Variants in UNC93A observed in about 807,000 individuals in gnomAD.
UNC93A encodes the protein N-acetylglucosamine transporter UNC93A.
Under a neutral mutation model 47.5 loss-of-function variants are expected in UNC93A, and 43 were observed. The ratio of observed to expected loss-of-function variants is 0.91; its 90% confidence interval spans 0.71 to 1.17. The LOEUF (loss-of-function observed/expected upper bound fraction) is 1.17. UNC93A is among the 50% of genes most tolerant of loss of function. UNC93A has a pLI of 0.00. For missense variants in UNC93A, 605 were observed against 577.6 expected (o/e 1.05, Z -0.49); for synonymous variants, 280 against 258.0 (o/e 1.09, Z -0.82).
At chr6:167,273,911 C>A (rs6907546) in intron 1 of UNC93A, among the ~76,000 whole-genome samples, 22,787 of 151,996 alleles carry the variant, frequency 0.15, 2,028 homozygotes, top group South Asian at 0.28. Context: ...CTCCAGGTAG[C>A]AGGCTTAGAG....
Position 167,296,145 on chromosome 6 carries a change from A to G in UNC93A, c.383A>G (p.Lys128Arg), listed in dbSNP as rs1778082067. ...AACACACATGCAGAGAAGGCGGGAA[A>G]GCGTGGCAAAGACATGGTGAACCAG... ...TGNTHAEKAG[K>R]RGKDMVNQYF... Residue 128 changes from lysine (K) to arginine (R), a missense_variant, in exon 3 of 8, where the codon AAG becomes AGG. By Grantham distance (26) the Lys-to-Arg change is conservative (BLOSUM62 2). Coordinates refer to ENST00000230256, the MANE Select transcript of UNC93A (RefSeq NM_018974.4). 1 of 1,614,240 alleles carries G rather than the reference A, an allele frequency of 6.2e-7. No individual in the cohort carries two copies. Among genetic ancestry groups the G allele is most frequent in the South Asian group, 1.1e-5 (1 of 91,086 alleles).
intron 1 of UNC93A, among the ~76,000 whole-genome samples, chr6:167,277,601 C>A (rs1452707959): frequency 2.0e-5 from 3 of 151,760 alleles, no homozygotes; most frequent in Non-Finnish European, 4.4e-5. Flanking sequence ...CCACCGTTCT[C>A]TGGCTATCTC....
intron 1 of UNC93A, among the ~76,000 whole-genome samples, chr6:167,285,899 C>T (rs73790185): frequency 0.019 from 2,907 of 150,868 alleles, 122 homozygotes; most frequent in African/African-American, 0.067. Context: ...TACCCCTTTC[C>T]TCCCACCAAT....
At chr6:167,305,820 T>A in intron 5 of UNC93A, 95 bp from the exon 6 acceptor site, 1 of 1,567,304 alleles carries the variant, frequency 6.4e-7, no homozygotes, top group Non-Finnish European at 8.7e-7. Context: ...GCTGGCCATC[T>A]CAGAGCAGAT....
chr6:167,299,105 G>C (rs1170414162), intron 4 of UNC93A, among the ~76,000 whole-genome samples: 2 of 127,998 alleles, frequency 1.6e-5, no homozygotes, highest in Admixed American at 8.2e-5. Context: ...GCAACAGAGC[G>C]AGACTCCATC....
chr6:167,305,105 A>C (rs868151025), intron 5 of UNC93A, among the ~76,000 whole-genome samples: 1 of 64,366 alleles, frequency 1.6e-5, no homozygotes, highest in East Asian at 4.8e-4. Flanking sequence ...TCTCTGCTCC[A>C]GATCCCTCCC....
At position 167,305,818 on chromosome 6, in the gene UNC93A, T is replaced by C. The variant is rs1778369308; in HGVS notation, c.841-97T>C. On this transcript the variant is annotated intron_variant, in intron 5 of 7. Transcript: ENST00000230256. ...GTAGGCAACACTGGCCTGCTGGCCA[T>C]CTCAGAGCAGATGTTCTAAGCACCC... The C allele has an allele frequency of 4.5e-6, 7 of 1,562,420 alleles. No homozygotes were observed. In the South Asian group the frequency reaches 6.9e-5, roughly 15 times the overall value.
chr6:167,294,531 C>A lies in UNC93A; in HGVS notation c.102C>A (p.Ser34Arg), dbSNP rs370938450. Residue 34 changes from serine to arginine, a missense_variant, in exon 2 of 8, where the codon AGC becomes AGA. Ser to Arg is a moderately radical substitution (Grantham distance 110). Transcript: ENST00000230256. ...TGTTCCCACAGAGCAGCCTGTACAGCGAGGAGGGCCTGGGTGTCACAGCGC... is the reference window on the plus strand; with the variant it reads ...TGTTCCCACAGAGCAGCCTGTACAGAGAGGAGGGCCTGGGTGTCACAGCGC... ...GLQSLQSSLY[S>R]EEGLGVTALS... 1.2e-6 allele frequency: 2 copies of A among 1,614,048 alleles called. No homozygotes were observed. The highest frequency in any genetic ancestry group is 2.2e-5 in the East Asian group (1 of 44,878).
chr6:167,285,404 C>T (rs947840139), intron 1 of UNC93A, among the ~76,000 whole-genome samples: 2 of 151,842 alleles, frequency 1.3e-5, no homozygotes, highest in Admixed American at 6.6e-5. Flanking sequence ...TCATCATAAA[C>T]AGGTCAGGAC....
intron 5 of UNC93A, among the ~76,000 whole-genome samples, chr6:167,305,446 G>T (rs1282072991): frequency 2.0e-5 from 3 of 152,202 alleles, no homozygotes; most frequent in Non-Finnish European, 4.4e-5. Flanking sequence ...GGTCGCCCGT[G>T]ATGGGAGTGT....
At chr6:167,270,500 A>G (rs1783434342), upstream of UNC93A, among the ~76,000 whole-genome samples, 1 of 151,906 alleles carries the variant, frequency 6.6e-6, no homozygotes. Flanking sequence ...GGGAAAGGGG[A>G]GCCTTCCGGT....
At chr6:167,306,720 G>A (rs1399469277) in intron 6 of UNC93A, among the ~76,000 whole-genome samples, 2 of 152,164 alleles carry the variant, frequency 1.3e-5, no homozygotes, top group Non-Finnish European at 2.9e-5. Context: ...CCGTCTTCAC[G>A]GCGCCCTGTG....
At chr6:167,272,722 TGA>T (rs1219429467) in intron 1 of UNC93A, among the ~76,000 whole-genome samples, 1 of 152,194 alleles carries the variant, frequency 6.6e-6, no homozygotes, top group Admixed American at 6.5e-5. Flanking sequence ...GACAATCAGT[TGA>T]GTTTATCTAA....
intron 1 of UNC93A, among the ~76,000 whole-genome samples, chr6:167,280,922 A>G (rs535648920): frequency 2.0e-5 from 3 of 152,328 alleles, no homozygotes; most frequent in African/African-American, 7.2e-5. Flanking sequence ...ATTTATCTCT[A>G]TCACAGCATT....
chr6:167,297,600 T>C (rs2076011), intron 3 of UNC93A, among the ~76,000 whole-genome samples: 33,337 of 152,102 alleles, frequency 0.22, 3,871 homozygotes, highest in African/African-American at 0.29. Context: ...CAATCTCATG[T>C]ACTTTTTTCT....
chr6:167,291,985 C>A (rs1002353208), intron 1 of UNC93A, among the ~76,000 whole-genome samples: 4 of 152,186 alleles, frequency 2.6e-5, no homozygotes, highest in Non-Finnish European at 5.9e-5. Flanking sequence ...CTTATACATT[C>A]CAAGCCTACT....
In UNC93A at chr6:167,294,689, T is replaced by G. The variant is rs201338150; in HGVS notation, c.260T>G (p.Phe87Cys). The change falls in exon 2 of 8, where the codon TTC becomes TGC. Residue 87 changes from phenylalanine (F) to cysteine (C), a missense_variant. Coordinates refer to ENST00000230256, the MANE Select transcript of UNC93A (RefSeq NM_018974.4). ...GTGGCCTTCTCCGTGGGCAACTTCT[T>G]CGCCAGCTGGTACGCAGCCACCACC... ...GYVAFSVGNF[F>C]ASWYTLIPTS... 3.6e-5 allele frequency: 57 copies of G among 1,594,480 alleles called. No individual in the cohort carries two copies. The East Asian group carries it at 1.3e-3, about 35-fold the overall frequency.
At chr6:167,313,490 C>T (rs2294234) in intron 7 of UNC93A, among the ~76,000 whole-genome samples, 30,297 of 151,624 alleles carry the variant, frequency 0.2, 3,124 homozygotes, top group South Asian at 0.32. Flanking sequence ...CAGAACTTGA[C>T]GAAGGGAGAT....
At chr6:167,307,456 C>CAGTTCCAGAGGATGGTTGAGAT (rs11270007) in intron 6 of UNC93A, among the ~76,000 whole-genome samples, 99,244 of 150,184 alleles carry the variant, frequency 0.66, 33,868 homozygotes, top group African/African-American at 0.84. Flanking sequence ...TTCCAGAGGA[C>CAGTTCCAGAGGATGGTTGAGAT]GGTTCCAGAG....
Sources: gnomAD v4.1 joint callset for allele counts (sites outside exome capture counted in the v4.1 genomes callset) on GRCh38, gnomAD v4.1.1 for gene constraint, MANE v1.5 for transcripts, NCBI Gene and HGNC (gene_info 2026-07-23, HGNC 2026-07-21) for gene names.